The following ULK1 variants were observed in gnomAD, a reference collection of about 807,000 sequenced individuals.
ULK1 encodes unc-51 like autophagy activating kinase 1.
A neutral mutation model predicts 117.5 loss-of-function variants in ULK1; 48 were observed. The observed-to-expected ratio is 0.41, with a 90% CI of 0.32 to 0.52. ULK1 has a LOEUF of 0.52. Ranked by LOEUF, ULK1 falls within the 20% of genes least tolerant of loss-of-function variation. The pLI, the probability that ULK1 is intolerant of heterozygous loss-of-function variation, is 0.29. For missense variants in ULK1, 1,387 were observed against 1,473.4 expected, an observed-to-expected ratio of 0.94 and a Z score of 0.96; for synonymous variants, 790 against 637.8, an observed-to-expected ratio of 1.24 and a Z score of -3.60.
In ULK1 at chr12:131,919,927, G is replaced by T. The variant is rs560982852; in HGVS notation, c.2804-52G>T. ...CACCGGGCAGATCATGGCCACTCCA[G>T]CCCTGCCCCGTGTCTGCTGCACCCT... On this transcript the variant is annotated intron_variant, in intron 25 of 27. Coordinates refer to ENST00000321867, the MANE Select transcript of ULK1 (RefSeq NM_003565.4). 8.2e-6 allele frequency: 13 copies of T among 1,591,460 alleles called. 1 individual carries two copies. In the South Asian group the frequency reaches 1.3e-4, roughly 16 times the overall value.
chr12:131,898,486 C>T (rs547294798), intron 3 of ULK1, among the ~76,000 whole-genome samples: 1 of 152,144 alleles, frequency 6.6e-6, no homozygotes, highest in Non-Finnish European at 1.5e-5. Context: ...TAGAAAATGA[C>T]ATCTCTTATG....
At chr12:131,899,175 A>G (rs763996001) in intron 3 of ULK1, among the ~76,000 whole-genome samples, 2 of 147,386 alleles carry the variant, frequency 1.4e-5, no homozygotes, top group Non-Finnish European at 3.0e-5. Flanking sequence ...CCTGCCTGAT[A>G]TATTTCTATA....
chr12:131,909,705 G>A (rs1889441602), intron 8 of ULK1, 70 bp from the exon 9 acceptor site: 5 of 1,433,924 alleles, frequency 3.5e-6, no homozygotes, highest in Non-Finnish European at 2.8e-6. Flanking sequence ...GGGGACGAAC[G>A]CACCGAGACC....
At chr12:131,896,300 G>A (rs936200029) in intron 3 of ULK1, among the ~76,000 whole-genome samples, 6 of 152,224 alleles carry the variant, frequency 3.9e-5, no homozygotes, top group Non-Finnish European at 2.9e-5. Context: ...GGGCACAGGC[G>A]GCTGCCGCTG....
chr12:131,910,138 C>T (rs1223650375), intron 10 of ULK1, 116 bp from the exon 11 acceptor site: 2 of 1,565,692 alleles, frequency 1.3e-6, no homozygotes, highest in East Asian at 2.2e-5. Flanking sequence ...CAGGCAGGGG[C>T]TCCACCTCCG....
rs1889650496 is a variant in ULK1 at position 131,913,793 on chromosome 12, C to T, written c.1204C>T (p.Pro402Ser). Residue 402 changes from proline (P) to serine (S), a missense_variant, in exon 15 of 28, where the codon CCA becomes TCA. This residue lies in a region of ULK1 where 260 missense variants were observed against 271.6 expected (regional missense o/e 0.96). Coordinates refer to ENST00000321867, the MANE Select transcript of ULK1 (RefSeq NM_003565.4). The stretch of plus-strand genomic sequence containing the variant: ...GGGCTTGGAGAGCCACGGCCGGACC[C>T]CATCTCCATCCCCACCCTGCAGCAG... ...SAGLESHGRTPSPSPPCSSSP... is the reference protein window; with the variant it reads ...SAGLESHGRTSSPSPPCSSSP... 1.9e-6 allele frequency: 3 copies of T among 1,579,736 alleles called. No homozygotes were observed.
chr12:131,905,610 C>T (rs1285544537), intron 3 of ULK1, among the ~76,000 whole-genome samples: 1 of 152,164 alleles, frequency 6.6e-6, no homozygotes, highest in Non-Finnish European at 1.5e-5. Context: ...CTTCCTCCTC[C>T]TGTTCTGAGG....
intron 4 of ULK1, 120 bp from the exon 5 acceptor site, chr12:131,907,375 G>T: frequency 7.7e-7 from 1 of 1,296,338 alleles, no homozygotes; most frequent in Non-Finnish European, 1.1e-6. Context: ...GCCCTGGGCT[G>T]GGCAGGTGCC....
chr12:131,918,352 T>G (rs1268326563), intron 22 of ULK1, 145 bp from the exon 23 acceptor site: 31 of 1,003,498 alleles, frequency 3.1e-5, no homozygotes, highest in Non-Finnish European at 3.9e-5. Flanking sequence ...CTGCTGTGCT[T>G]CTCCTGTTGG....
chr12:131,900,895 G>A (rs184387379), intron 3 of ULK1, among the ~76,000 whole-genome samples: 4 of 152,154 alleles, frequency 2.6e-5, no homozygotes, highest in Admixed American at 6.5e-5. Flanking sequence ...TGGTCTGGCC[G>A]GGGGGCTGTC....
rs1341266542 is a variant in ULK1 at position 131,916,525 on chromosome 12, C to T, written c.2006C>T (p.Pro669Leu). 1.2e-6 allele frequency: 2 copies of T among 1,611,270 alleles called. No individual in the cohort carries two copies. Among genetic ancestry groups the T allele is most frequent in the Non-Finnish European group, 1.7e-6 (2 of 1,179,700 alleles). Reference sequence around the variant, plus strand: ...CTGCCCGACCTCTCGGAGGTGGGACCCTTCCATGGTCAGCCGTTGGGCCCT... The same window carrying T: ...CTGCCCGACCTCTCGGAGGTGGGACTCTTCCATGGTCAGCCGTTGGGCCCT... ...RTLPDLSEVG[P>L]FHGQPLGPGL... Residue 669 changes from proline (P) to leucine (L), a missense_variant, in exon 20 of 28, where the codon CCC becomes CTC. Physicochemically the swap from Pro to Leu is moderately conservative, Grantham distance 98 (BLOSUM62 -3). This residue lies in a region of ULK1 where 900 missense variants were observed against 858.9 expected (regional missense o/e 1.05). Transcript: ENST00000321867.
intron 3 of ULK1, among the ~76,000 whole-genome samples, chr12:131,901,230 G>A (rs558881518): frequency 1.1e-4 from 16 of 151,918 alleles, no homozygotes; most frequent in African/African-American, 3.6e-4. Flanking sequence ...GTGGTGGTGG[G>A]CGCCTGTAGT....
Position 131,902,457 on chromosome 12 carries a change from C to T in ULK1, c.247-4435C>T, listed in dbSNP as rs1440388076. 1.3e-5 allele frequency among the ~76,000 whole-genome samples: 2 copies of T among 152,092 alleles called. No individual in the cohort carries two copies. The highest frequency in any genetic ancestry group is 6.5e-5 in the Admixed American group (1 of 15,276). ...CCTGGGACACCTGGCTCTGGCCGGC[C>T]GTGGGTGCGTGTGTGCAGGGTGTGG... On this transcript the variant is annotated intron_variant, in intron 3 of 27. Coordinates refer to ENST00000321867, the MANE Select transcript of ULK1 (RefSeq NM_003565.4). The surrounding 1 kb of genome is among the most constrained non-coding windows in gnomAD (Gnocchi z 6.3).
chr12:131,908,620 G>T lies in ULK1; in HGVS notation c.317-24G>T, dbSNP rs769728687. On this transcript the variant is annotated intron_variant, in intron 5 of 27. Coordinates refer to ENST00000321867, the MANE Select transcript of ULK1 (RefSeq NM_003565.4). ...CTGGGGGAGGAAACACGGCCCCCAG[G>T]CCCTGAGCCGCCTCTCCCCGCAGCC... 8 of 1,459,328 alleles carry T rather than the reference G, an allele frequency of 5.5e-6. No individual in the cohort carries two copies. The Admixed American group carries it at 2.1e-4, about 38-fold the overall frequency. 90.4% of individuals were successfully genotyped at this position (1,459,328 alleles called of 1,614,324 possible). A position where few individuals can be genotyped will look rare whatever the true frequency, so the allele number is the denominator to read the frequency against.
rs112798017 is a variant in ULK1, at chr12:131,917,365, G to A, written c.2183-46G>A. The A allele has an allele frequency of 3.5e-4, 479 of 1,377,218 alleles. 6 individuals are homozygous for A. The South Asian group carries it at 5.8e-3, about 17-fold the overall frequency. 85.3% of individuals were successfully genotyped at this position (1,377,218 alleles called of 1,614,324 possible). On this transcript the variant is annotated intron_variant, in intron 21 of 27. Coordinates refer to ENST00000321867, the MANE Select transcript of ULK1 (RefSeq NM_003565.4). Reference sequence around the variant, plus strand: ...TCGGCTCGGAGGCTGTGGGATGGGGGTCGGCGGGAGTCAGGATGCTCCTGA... The same window carrying A: ...TCGGCTCGGAGGCTGTGGGATGGGGATCGGCGGGAGTCAGGATGCTCCTGA...
At chr12:131,898,238 A>C (rs1888953748) in intron 3 of ULK1, 1 of 152,196 alleles carries the variant, frequency 6.6e-6, no homozygotes, top group Non-Finnish European at 1.5e-5. Context: ...AAGGCCCTGT[A>C]GGTGGGACAT....
At chr12:131,896,292 G>T (rs1888867248) in intron 3 of ULK1, among the ~76,000 whole-genome samples, 2 of 152,222 alleles carry the variant, frequency 1.3e-5, no homozygotes, top group South Asian at 2.1e-4. Flanking sequence ...CCGGGCCGGG[G>T]CACAGGCGGC....
chr12:131,921,641 C>T lies in ULK1; in HGVS notation c.*280C>T, dbSNP rs1370890824. ...CCTGGCTCAGCAGGCGTGGGTGCCA[C>T]CACCCTCTAGCCCCAGGGCAGCCCC... is the stretch of plus-strand genomic sequence containing the variant. On this transcript the variant is annotated 3_prime_UTR_variant, in exon 28 of 28. Coordinates refer to ENST00000321867, the MANE Select transcript of ULK1 (RefSeq NM_003565.4). 1.6e-6 allele frequency: 1 copy of T among 611,000 alleles called. No homozygotes were observed. Among genetic ancestry groups the T allele is most frequent in the East Asian group, 2.8e-5 (1 of 35,890 alleles). The allele number at this position is 611,000 out of a possible 1,614,324, so 37.8% of individuals were successfully genotyped here. A position where few individuals can be genotyped will look rare whatever the true frequency, so the allele number is the denominator to read the frequency against.
chr12:131,905,508 G>T (rs548986791), intron 3 of ULK1, among the ~76,000 whole-genome samples: 125 of 152,316 alleles, frequency 8.2e-4, no homozygotes, highest in African/African-American at 2.8e-3. Flanking sequence ...AAGTGGGATG[G>T]CCCTACAACA....
Sources: allele counts gnomAD v4.1 joint callset (sites outside exome capture counted in the v4.1 genomes callset), GRCh38; gene constraint gnomAD v4.1.1; regional missense constraint gnomAD v4.1.1; non-coding constraint Gnocchi (gnomAD v3.1); transcripts MANE v1.5; gene names NCBI Gene and HGNC (gene_info 2026-07-23, HGNC 2026-07-21).